The following SGCZ variants were observed in gnomAD, a reference collection of about 807,000 sequenced individuals.
SGCZ encodes zeta-sarcoglycan.
SGCZ carries 40 observed loss-of-function variants against 41.3 expected under a neutral mutation model. That is an observed-to-expected ratio of 0.97 (90% CI 0.75 to 1.26). The LOEUF is 1.26. Ranked by LOEUF, SGCZ falls within the 50% of genes most tolerant of loss-of-function variation. SGCZ has a pLI of 0.00. For synonymous variants in SGCZ, 206 were observed against 137.5 expected (o/e 1.50, Z -3.49); for missense variants, 552 against 369.8 (o/e 1.49, Z -4.04).
At chr8:14,275,863 C>T (rs1800211626) in intron 3 of SGCZ, among the ~76,000 whole-genome samples, 1 of 152,158 alleles carries the variant, frequency 6.6e-6, no homozygotes, top group Non-Finnish European at 1.5e-5. Flanking sequence ...TGGCAGCCCA[C>T]TTAAATGGAA....
At chr8:15,177,118 A>G (rs1800023138) in intron 1 of SGCZ, among the ~76,000 whole-genome samples, 1 of 152,258 alleles carries the variant, frequency 6.6e-6, no homozygotes, top group Non-Finnish European at 1.5e-5. Flanking sequence ...TTTCCTTTCC[A>G]GGGAGAGCAA....
intron 5 of SGCZ, among the ~76,000 whole-genome samples, chr8:14,122,462 T>G (rs1802729518): frequency 6.6e-6 from 1 of 152,192 alleles, no homozygotes; most frequent in South Asian, 2.1e-4. Context: ...GAGATGTAGC[T>G]ACAAGGATGT....
chr8:14,154,402 C>T (rs34278155), intron 5 of SGCZ, among the ~76,000 whole-genome samples: 4,699 of 150,714 alleles, frequency 0.031, 249 homozygotes, highest in African/African-American at 0.11. Context: ...AAAAAAAAAC[C>T]GCAGAAAATA....
At chr8:14,218,354 A>G (rs1163645029) in intron 4 of SGCZ, among the ~76,000 whole-genome samples, 1 of 152,220 alleles carries the variant, frequency 6.6e-6, no homozygotes, top group Non-Finnish European at 1.5e-5. Flanking sequence ...GAAAAACTCT[A>G]GGAAGAAAAT....
At chr8:14,737,449 C>T (rs1040303933) in intron 1 of SGCZ, among the ~76,000 whole-genome samples, 1 of 152,046 alleles carries the variant, frequency 6.6e-6, no homozygotes. Flanking sequence ...TAATTTCAAT[C>T]AATCCTCCTT....
chr8:14,848,127 T>A lies in SGCZ; in HGVS notation c.40-293201A>T, dbSNP rs73535068. ...TTTAAAAATATTATATACAGTAGCATAAAATTATAAAATTCTTATGGTAAA... is the reference window on the plus strand; with the variant it reads ...TTTAAAAATATTATATACAGTAGCAAAAAATTATAAAATTCTTATGGTAAA... On this transcript the variant is annotated intron_variant, in intron 1 of 7. Coordinates refer to ENST00000382080, the MANE Select transcript of SGCZ (RefSeq NM_139167.4). 8.3e-3 allele frequency among the ~76,000 whole-genome samples: 1,262 copies of A among 152,194 alleles called. 20 individuals are homozygous for A. Among genetic ancestry groups the A allele is most frequent in the African/African-American group, 0.028 (1,184 of 41,550 alleles).
intron 2 of SGCZ, among the ~76,000 whole-genome samples, chr8:14,367,930 G>A (rs1803771184): frequency 6.6e-6 from 1 of 151,990 alleles, no homozygotes. Flanking sequence ...TACAATGAAT[G>A]GAATGATAAA....
At chr8:14,328,317 G>A (rs10090427) in intron 2 of SGCZ, among the ~76,000 whole-genome samples, 1 of 151,912 alleles carries the variant, frequency 6.6e-6, no homozygotes, top group Non-Finnish European at 1.5e-5. Context: ...AAAATGATTT[G>A]TTAATTTTCT....
At chr8:14,403,324 A>C (rs974973339) in intron 2 of SGCZ, among the ~76,000 whole-genome samples, 11 of 150,602 alleles carry the variant, frequency 7.3e-5, no homozygotes, top group African/African-American at 2.8e-4. Context: ...TTCCAACACT[A>C]TCTTGAATAG....
chr8:14,237,628 T>A lies in SGCZ; in HGVS notation c.388A>T (p.Asn130Tyr). ...TGTCCGGTTAACTGCCCCATGTGAT[T>A]TCTTGCATTCACTGTGACATTCCTG... ...SDRNVTVNAR[N>Y]HMGQLTGQLT... is the part of the protein sequence containing the mutation. Residue 130 changes from asparagine to tyrosine, a missense_variant, in exon 4 of 8, where the codon AAT becomes TAT. Coordinates refer to ENST00000382080, the MANE Select transcript of SGCZ (RefSeq NM_139167.4). 2 of 1,613,954 alleles carry A rather than the reference T, an allele frequency of 1.2e-6. No homozygotes were observed. The highest frequency in any genetic ancestry group is 1.7e-6 in the Non-Finnish European group (2 of 1,179,870).
At chr8:14,854,567 G>A (rs540819910) in intron 1 of SGCZ, among the ~76,000 whole-genome samples, 14 of 151,990 alleles carry the variant, frequency 9.2e-5, no homozygotes, top group African/African-American at 1.9e-4. Flanking sequence ...GAAGCCAGTG[G>A]TTTTCATTAT....
intron 4 of SGCZ, among the ~76,000 whole-genome samples, chr8:14,168,097 T>A (rs1408003595): frequency 6.6e-6 from 1 of 152,204 alleles, no homozygotes; most frequent in African/African-American, 2.4e-5. Flanking sequence ...CTTTTCTATA[T>A]AACTCTTCAC....
rs112375661 is a variant in SGCZ at position 14,576,217 on chromosome 8, C to G, written c.40-21291G>C. Among the ~76,000 whole-genome samples, 380 of 152,178 alleles carry G rather than the reference C, an allele frequency of 2.5e-3. 2 individuals carry two copies. The highest frequency in any genetic ancestry group is 8.7e-3 in the African/African-American group (361 of 41,532). ...CTCCCAAGGTTTTGTGGTGTGCTGT[C>G]TATGTCGGCATATTGAAAACATACA... On this transcript the variant is annotated intron_variant, in intron 1 of 7. Transcript: ENST00000382080.
In SGCZ at chr8:14,946,118, A is replaced by G. The variant is rs191947709; in HGVS notation, c.39+291467T>C. On this transcript the variant is annotated intron_variant, in intron 1 of 7. Coordinates refer to ENST00000382080, the MANE Select transcript of SGCZ (RefSeq NM_139167.4). Reference sequence around the variant, plus strand: ...GCTATCTCTCTCAAGAACCCTGACTAATACAACTACATTTGTTTTGATTTA... The same window carrying G: ...GCTATCTCTCTCAAGAACCCTGACTGATACAACTACATTTGTTTTGATTTA... Among the ~76,000 whole-genome samples the G allele has an allele frequency of 3.6e-3, 498 of 139,234 alleles. 2 individuals are homozygous for G. Among genetic ancestry groups the G allele is most frequent in the Non-Finnish European group, 6.2e-3 (405 of 65,378 alleles). 91.3% of individuals were successfully genotyped at this position (139,234 alleles called of 152,430 possible).
In SGCZ at chr8:14,338,035, A is replaced by G. The variant is rs1293804795; in HGVS notation, c.235-13831T>C. Among the ~76,000 whole-genome samples the G allele has an allele frequency of 2.6e-5, 4 of 152,164 alleles. No homozygotes were observed. In the South Asian group the frequency reaches 6.2e-4, roughly 24 times the overall value. ...GTTTCTTCAACAAAGGTCCTGTTCAATTGGTAGCAGGCAAGATATCAAGGA... is the reference window on the plus strand; with the variant it reads ...GTTTCTTCAACAAAGGTCCTGTTCAGTTGGTAGCAGGCAAGATATCAAGGA... On this transcript the variant is annotated intron_variant, in intron 2 of 7. Transcript: ENST00000382080.
chr8:15,201,427 C>T (rs1585668216), intron 1 of SGCZ, among the ~76,000 whole-genome samples: 1 of 152,184 alleles, frequency 6.6e-6, no homozygotes, highest in African/African-American at 2.4e-5. Context: ...TTGCAACAAT[C>T]CAGCAAGGTA....
chr8:14,302,984 A>C (rs1442417731), intron 3 of SGCZ, among the ~76,000 whole-genome samples: 1 of 152,178 alleles, frequency 6.6e-6, no homozygotes, highest in African/African-American at 2.4e-5. Context: ...TACACTGAGC[A>C]CTTGCTCAGG....
chr8:15,001,035 G>A (rs548975965), intron 1 of SGCZ, among the ~76,000 whole-genome samples: 1 of 152,182 alleles, frequency 6.6e-6, no homozygotes, highest in African/African-American at 2.4e-5. Context: ...CTGAAGCTCT[G>A]GCAAAAGGGA....
At chr8:14,921,760 T>C (rs1290516245) in intron 1 of SGCZ, among the ~76,000 whole-genome samples, 1 of 152,160 alleles carries the variant, frequency 6.6e-6, no homozygotes, top group Non-Finnish European at 1.5e-5. Context: ...TTTCCATAGA[T>C]TTTGTTACAA....
Sources: gnomAD v4.1 joint callset for allele counts (sites outside exome capture counted in the v4.1 genomes callset) on GRCh38, gnomAD v4.1.1 for gene constraint, MANE v1.5 for transcripts, NCBI Gene and HGNC (gene_info 2026-07-23, HGNC 2026-07-21) for gene names.